Variants in BRINP3 observed in about 807,000 individuals in gnomAD.
BRINP3 encodes BMP/retinoic acid inducible neural specific 3, also known as BMP/retinoic acid-inducible neural-specific protein 3.
In BRINP3, 19 loss-of-function variants were observed where a neutral mutation model predicts 71.0. The ratio of observed to expected loss-of-function variants is 0.27; its 90% CI spans 0.19 to 0.39. The LOEUF (loss-of-function observed/expected upper bound fraction) is 0.39, where lower values mean the gene tolerates loss of function less well. Among genes scored for constraint, BRINP3 ranks in the 10% least tolerant of loss-of-function variants. The pLI is 1.00. For synonymous variants in BRINP3, 380 were observed against 337.7 expected (o/e 1.13, Z -1.37); for missense variants, 959 against 940.8 (o/e 1.02, Z -0.25).
Position 190,421,664 on chromosome 1 carries a change from C to G in BRINP3, c.236+32991G>C, listed in dbSNP as rs186600028. On this transcript the variant is annotated intron_variant, in intron 2 of 7. Coordinates refer to ENST00000367462, the MANE Select transcript of BRINP3 (RefSeq NM_199051.3). The stretch of plus-strand genomic sequence containing the variant: ...TATAATAAATATAGACATGTAGTTG[C>G]TATGTGATAGATAGATTTGAATCCA... Among the ~76,000 whole-genome samples the G allele has an allele frequency of 1.6e-3, 245 of 151,650 alleles. 1 individual carries two copies. The highest frequency in any genetic ancestry group is 2.9e-3 in the Non-Finnish European group (195 of 67,732).
At chr1:190,299,939 C>G (rs1664547599) in intron 2 of BRINP3, among the ~76,000 whole-genome samples, 1 of 152,042 alleles carries the variant, frequency 6.6e-6, no homozygotes, top group Admixed American at 6.6e-5. Context: ...TGATGGGCTT[C>G]CCTTTGAGGT....
intron 6 of BRINP3, among the ~76,000 whole-genome samples, chr1:190,206,087 T>C (rs909175472): frequency 2.6e-5 from 4 of 152,056 alleles, no homozygotes; most frequent in African/African-American, 9.7e-5. Flanking sequence ...AAACTATCCA[T>C]TGTTTAAAAG....
chr1:190,293,210 T>C (rs1415860141), intron 2 of BRINP3, among the ~76,000 whole-genome samples: 3 of 152,114 alleles, frequency 2.0e-5, no homozygotes, highest in Admixed American at 2.0e-4. Context: ...TGTATTGTTA[T>C]GTTTTGATTT....
At chr1:190,153,810 A>G (rs1223378366) in intron 7 of BRINP3, among the ~76,000 whole-genome samples, 3 of 152,206 alleles carry the variant, frequency 2.0e-5, no homozygotes, top group African/African-American at 7.2e-5. Flanking sequence ...ACAGTGAGCT[A>G]TGATCACAAC....
At position 190,331,291 on chromosome 1, in the gene BRINP3, T is replaced by G. The variant is rs547641699; in HGVS notation, c.237-49541A>C. On this transcript the variant is annotated intron_variant, in intron 2 of 7. Transcript: ENST00000367462. ...AAAAATAATGCAAGCTTTTCCTGGTTGAACAATGTATGTACCCAAAGACTT... is the reference window on the plus strand; with the variant it reads ...AAAAATAATGCAAGCTTTTCCTGGTGGAACAATGTATGTACCCAAAGACTT... 2.0e-5 allele frequency among the ~76,000 whole-genome samples: 3 copies of G among 152,136 alleles called. No homozygotes were observed. In the South Asian group the frequency reaches 6.2e-4, roughly 32 times the overall value.
chr1:190,390,888 T>C (rs1437934915), intron 2 of BRINP3, among the ~76,000 whole-genome samples: 3 of 151,882 alleles, frequency 2.0e-5, no homozygotes, highest in Non-Finnish European at 4.4e-5. Context: ...GATTAATGTT[T>C]AGCATATGAG....
chr1:190,451,020 T>C (rs1675570122), intron 2 of BRINP3, among the ~76,000 whole-genome samples: 1 of 152,154 alleles, frequency 6.6e-6, no homozygotes, highest in African/African-American at 2.4e-5. Flanking sequence ...AATTGTCTCC[T>C]ATTCTCAAAT....
chr1:190,272,846 C>T (rs192939652), intron 3 of BRINP3, among the ~76,000 whole-genome samples: 28 of 151,576 alleles, frequency 1.8e-4, no homozygotes, highest in Admixed American at 8.6e-4. Context: ...CTTAAATCTG[C>T]AGTTTAAATC....
chr1:190,356,631 T>G (rs1668750723), intron 2 of BRINP3, among the ~76,000 whole-genome samples: 1 of 151,976 alleles, frequency 6.6e-6, no homozygotes, highest in African/African-American at 2.4e-5. Context: ...TGCCTCTCTT[T>G]TTCATATTTT....
At chr1:190,314,255 C>A (rs1381952395) in intron 2 of BRINP3, among the ~76,000 whole-genome samples, 2 of 151,846 alleles carry the variant, frequency 1.3e-5, no homozygotes, top group East Asian at 1.9e-4. Context: ...AATAACGTAG[C>A]CTGGGGAGTA....
chr1:190,455,727 A>G (rs941240638), intron 1 of BRINP3, among the ~76,000 whole-genome samples: 2 of 152,160 alleles, frequency 1.3e-5, no homozygotes, highest in Admixed American at 6.5e-5. Context: ...TTCATAAGAA[A>G]GTCATACCTC....
chr1:190,447,862 A>G (rs979015652), intron 2 of BRINP3, among the ~76,000 whole-genome samples: 1 of 151,694 alleles, frequency 6.6e-6, no homozygotes, highest in Non-Finnish European at 1.5e-5. Context: ...GTTTTTAATA[A>G]CAGCTAATAT....
At chr1:190,374,559 CT>C (rs1269228096) in intron 2 of BRINP3, among the ~76,000 whole-genome samples, 1 of 151,598 alleles carries the variant, frequency 6.6e-6, no homozygotes, top group Non-Finnish European at 1.5e-5. Flanking sequence ...CTAGAGTAAA[CT>C]GAAAAACTTA....
intron 2 of BRINP3, among the ~76,000 whole-genome samples, chr1:190,388,016 A>AG (rs1671023043): frequency 6.6e-6 from 1 of 151,852 alleles, no homozygotes; most frequent in Non-Finnish European, 1.5e-5. Flanking sequence ...ATGTATATGT[A>AG]CATTAATTAA....
intron 6 of BRINP3, among the ~76,000 whole-genome samples, chr1:190,203,465 G>A (rs542497451): frequency 6.8e-6 from 1 of 146,408 alleles, no homozygotes; most frequent in African/African-American, 2.6e-5. Flanking sequence ...ATATATATGT[G>A]TGTGTGTGTG....
intron 6 of BRINP3, among the ~76,000 whole-genome samples, chr1:190,169,821 C>A (rs1332917911): frequency 1.3e-5 from 2 of 152,008 alleles, no homozygotes; most frequent in African/African-American, 2.4e-5. Flanking sequence ...TATTATTTTT[C>A]TTTTATAATT....
At chr1:190,414,917 G>C (rs529166957) in intron 2 of BRINP3, among the ~76,000 whole-genome samples, 1 of 152,226 alleles carries the variant, frequency 6.6e-6, no homozygotes, top group East Asian at 1.9e-4. Context: ...TAAATATTTG[G>C]TAAGATTTCT....
chr1:190,208,741 C>A (rs964625018), intron 6 of BRINP3, among the ~76,000 whole-genome samples: 1 of 151,934 alleles, frequency 6.6e-6, no homozygotes, highest in Admixed American at 6.6e-5. Context: ...TTGATCTGAC[C>A]GCCTTGGCCT....
rs555823380 is a variant in BRINP3, at chr1:190,330,423, G to T, written c.237-48673C>A. ...CATCAAAGCAATGCAAATCAAAACCGCAATGAGATACCACTTCATACCAGA... is the reference window on the plus strand; with the variant it reads ...CATCAAAGCAATGCAAATCAAAACCTCAATGAGATACCACTTCATACCAGA... On this transcript the variant is annotated intron_variant, in intron 2 of 7. Coordinates refer to ENST00000367462, the MANE Select transcript of BRINP3 (RefSeq NM_199051.3). Among the ~76,000 whole-genome samples the T allele has an allele frequency of 2.0e-5, 3 of 151,690 alleles. No individual in the cohort carries two copies. The South Asian group carries it at 6.2e-4, about 32-fold the overall frequency.
Sources: gnomAD v4.1 joint callset for allele counts (sites outside exome capture counted in the v4.1 genomes callset) on GRCh38, gnomAD v4.1.1 for gene constraint, MANE v1.5 for transcripts, NCBI Gene and HGNC (gene_info 2026-07-23, HGNC 2026-07-21) for gene names.